The following PIK3R1 variants were observed in gnomAD, a reference collection of about 807,000 sequenced individuals.
The protein encoded by PIK3R1 is phosphoinositide-3-kinase regulatory subunit 1.
Under a neutral mutation model 98.0 loss-of-function variants are expected in PIK3R1, and 29 were observed. The observed-to-expected ratio is 0.30, with a 90% CI of 0.22 to 0.40. The LOEUF (loss-of-function observed/expected upper bound fraction) is 0.40, where lower values mean the gene tolerates loss of function less well. Ranked by LOEUF, PIK3R1 falls within the 10% of genes least tolerant of loss-of-function variation. The pLI is 1.00. For synonymous variants in PIK3R1, 282 were observed against 311.8 expected (o/e 0.90, Z 1.01); for missense variants, 596 against 872.7 (o/e 0.68, Z 3.99).
Position 68,273,378 on chromosome 5 carries a change from T to G in PIK3R1, c.335-12T>G. 6.2e-7 allele frequency: 1 copy of G among 1,612,080 alleles called. No individual in the cohort carries two copies. The highest frequency in any genetic ancestry group is 1.1e-5 in the South Asian group (1 of 91,038). On this transcript the variant is annotated splice_polypyrimidine_tract_variant and intron_variant, in intron 2 of 15. Transcript: ENST00000521381. ...CAAATTAAATACAATGGTGGGATTTTGTTGTTTGCAGCTTTGACTCTCCCG... is the reference window on the plus strand; with the variant it reads ...CAAATTAAATACAATGGTGGGATTTGGTTGTTTGCAGCTTTGACTCTCCCG...
Position 68,235,646 on chromosome 5 carries a change from G to A in PIK3R1, c.334+8637G>A, listed in dbSNP as rs547685180. On this transcript the variant is annotated intron_variant, in intron 2 of 15. Coordinates refer to ENST00000521381, the MANE Select transcript of PIK3R1 (RefSeq NM_181523.3). ...AAGTAAGTTTATTTTTGATTCAGAA[G>A]TATTTGAAGAAGTTAGAACAAGATG... 1.2e-3 allele frequency among the ~76,000 whole-genome samples: 184 copies of A among 152,144 alleles called. 1 individual carries two copies. The highest frequency in any genetic ancestry group is 4.4e-3 in the African/African-American group (183 of 41,520).
chr5:68,293,512 T>TA, intron 10 of PIK3R1, 29 bp downstream of exon 10: 1 of 1,530,400 alleles, frequency 6.5e-7, no homozygotes, highest in Non-Finnish European at 9.0e-7. Flanking sequence ...ATTATCCAGT[T>TA]ACGATGTTTA....
chr5:68,236,104 C>G (rs1744655613), intron 2 of PIK3R1, among the ~76,000 whole-genome samples: 1 of 151,784 alleles, frequency 6.6e-6, no homozygotes, highest in Non-Finnish European at 1.5e-5. Flanking sequence ...CTCCTAACCT[C>G]AGGTGATCCA....
At position 68,292,244 on chromosome 5, in the gene PIK3R1, CT is replaced by C. The variant is rs761219409; in HGVS notation, c.917-10del. 1 of 1,570,882 alleles carries C rather than the reference CT, an allele frequency of 6.4e-7. No individual in the cohort carries two copies. The highest frequency in any genetic ancestry group is 8.7e-7 in the Non-Finnish European group (1 of 1,150,828). ...TAGTTGGGATTGCGAACAACTTTTT[CT>C]TTTTCATCTGCAGCACTGCCTCCTA... On this transcript the variant is annotated splice_polypyrimidine_tract_variant and intron_variant, in intron 7 of 15. Transcript: ENST00000521381.
chr5:68,288,283 A>T, intron 7 of PIK3R1: 1 of 388,698 alleles, frequency 2.6e-6, no homozygotes, highest in Non-Finnish European at 3.7e-6. Flanking sequence ...AGCCGATGAC[A>T]ACTTTGACTT....
At chr5:68,281,236 A>C (rs1269836808) in intron 7 of PIK3R1, among the ~76,000 whole-genome samples, 1 of 152,120 alleles carries the variant, frequency 6.6e-6, no homozygotes, top group African/African-American at 2.4e-5. Flanking sequence ...TTTAGGTGAG[A>C]GTTTGGAGAG....
chr5:68,219,624 G>A (rs1268113510), intron 1 of PIK3R1, among the ~76,000 whole-genome samples: 3 of 152,214 alleles, frequency 2.0e-5, no homozygotes, highest in African/African-American at 7.2e-5. Context: ...CTCAGGTAAG[G>A]AGAGAACTAC....
chr5:68,216,400 C>T (rs945257769), intron 1 of PIK3R1, among the ~76,000 whole-genome samples: 1 of 152,208 alleles, frequency 6.6e-6, no homozygotes, highest in African/African-American at 2.4e-5. Context: ...CTCCCTTCCC[C>T]CGTGGCCCTC....
intron 4 of PIK3R1, among the ~76,000 whole-genome samples, chr5:68,274,705 A>G (rs1267286863): frequency 1.3e-5 from 2 of 152,212 alleles, no homozygotes; most frequent in Admixed American, 1.3e-4. Context: ...CAGTTTGTTA[A>G]ATAACACTAA....
intron 7 of PIK3R1, among the ~76,000 whole-genome samples, chr5:68,287,794 A>G (rs1224909086): frequency 6.6e-6 from 1 of 152,220 alleles, no homozygotes; most frequent in African/African-American, 2.4e-5. Context: ...CCTCATAAAA[A>G]TAGCCGCAGT....
chr5:68,280,623 T>C lies in PIK3R1; in HGVS notation c.730T>C (p.Leu244=). 2 of 1,613,966 alleles carry C rather than the reference T, an allele frequency of 1.2e-6. No homozygotes were observed. The highest frequency in any genetic ancestry group is 1.7e-6 in the Non-Finnish European group (2 of 1,179,848). ...GTATTGGCTTACGCTTCAGTATTTG[T>C]TAAAACATTTCTTCAAGCTCTCTCA... The part of the protein sequence containing the change: ...HQYWLTLQYL[L]KHFFKLSQTS... The change falls in exon 6 of 16, where the codon TTA becomes CTA. Residue 244 remains leucine, a synonymous_variant. Transcript: ENST00000521381.
intron 2 of PIK3R1, among the ~76,000 whole-genome samples, chr5:68,230,343 C>T (rs921185788): frequency 6.6e-6 from 1 of 152,214 alleles, no homozygotes; most frequent in African/African-American, 2.4e-5. Context: ...TTTGTGGTCC[C>T]CCATTATCCT....
intron 11 of PIK3R1, among the ~76,000 whole-genome samples, chr5:68,294,040 C>A (rs1045717564): frequency 1.3e-5 from 2 of 152,154 alleles, no homozygotes; most frequent in Non-Finnish European, 2.9e-5. Flanking sequence ...AAATTAAGTT[C>A]ACGTGATAAC....
rs149852476 is a variant in PIK3R1 at position 68,226,885 on chromosome 5, G to C, written c.210G>C (p.Pro70=). The C allele has an allele frequency of 7.4e-6, 12 of 1,613,890 alleles. No individual in the cohort carries two copies. The African/African-American group carries it at 1.5e-4, about 20-fold the overall frequency. ...CCACAGGGGAAAGGGGGGACTTTCC[G>C]GGAACTTACGTAGAATATATTGGAA... ...NETTGERGDF[P]GTYVEYIGRK... is the part of the protein sequence containing the mutation. The change falls in exon 2 of 16, where the codon CCG becomes CCC. Residue 70 remains proline (P), a synonymous_variant. Coordinates refer to ENST00000521381, the MANE Select transcript of PIK3R1 (RefSeq NM_181523.3).
chr5:68,226,505 G>A lies in PIK3R1; in HGVS notation c.-171G>A, dbSNP rs147774029. Reference sequence around the variant, plus strand: ...ATTGATGGAGGACAGATGGACAGCCGTATGGCCAGTCACCTCTCCTCTTAA... The same window carrying A: ...ATTGATGGAGGACAGATGGACAGCCATATGGCCAGTCACCTCTCCTCTTAA... On this transcript the variant is annotated 5_prime_UTR_variant, in exon 2 of 16. Coordinates refer to ENST00000521381, the MANE Select transcript of PIK3R1 (RefSeq NM_181523.3). The A allele has an allele frequency of 1.4e-5, 8 of 591,608 alleles. No homozygotes were observed. Among genetic ancestry groups the A allele is most frequent in the African/African-American group, 3.7e-5 (2 of 54,016 alleles). The allele number at this position is 591,608 out of a possible 1,614,324, so 36.6% of individuals were successfully genotyped here.
chr5:68,217,934 A>G (rs1321636165), intron 1 of PIK3R1: 2 of 152,210 alleles, frequency 1.3e-5, no homozygotes, highest in East Asian at 1.9e-4. Flanking sequence ...TTGACTTGGG[A>G]CCTGTTCTTA....
chr5:68,295,959 A>G (rs539055032), intron 14 of PIK3R1, among the ~76,000 whole-genome samples: 51 of 152,236 alleles, frequency 3.4e-4, no homozygotes, highest in Middle Eastern at 6.8e-3. Flanking sequence ...AGTACAGTTG[A>G]TTGGTAACTC....
At chr5:68,245,616 T>C (rs1161354072) in intron 2 of PIK3R1, among the ~76,000 whole-genome samples, 1 of 152,228 alleles carries the variant, frequency 6.6e-6, no homozygotes, top group Non-Finnish European at 1.5e-5. Context: ...TAAAATAGAA[T>C]TGATGACCTC....
chr5:68,245,196 A>G (rs1424482688), intron 2 of PIK3R1, among the ~76,000 whole-genome samples: 1 of 152,240 alleles, frequency 6.6e-6, no homozygotes, highest in African/African-American at 2.4e-5. Flanking sequence ...AACTTGAACT[A>G]CATAAGTATA....
Sources: allele counts gnomAD v4.1 joint callset (sites outside exome capture counted in the v4.1 genomes callset), GRCh38; gene constraint gnomAD v4.1.1; transcripts MANE v1.5; gene names NCBI Gene and HGNC (gene_info 2026-07-23, HGNC 2026-07-21).